Variants in PLA2R1 observed in about 807,000 individuals in gnomAD.
The protein encoded by PLA2R1 is phospholipase A2 receptor 1, also known as secretory phospholipase A2 receptor.
Under a neutral mutation model 195.9 loss-of-function variants are expected in PLA2R1, and 158 were observed. That is an observed-to-expected ratio of 0.81 (90% CI 0.71 to 0.92). PLA2R1 has a LOEUF of 0.92. Ranked by LOEUF, PLA2R1 falls within the 40% of genes least tolerant of loss-of-function variation. The probability of loss-of-function intolerance (pLI) is 0.00; values close to 1 mark genes in which losing one functional copy is unlikely to be tolerated. For missense variants in PLA2R1, 1,626 were observed against 1,764.6 expected (o/e 0.92, Z 1.41); for synonymous variants, 586 against 598.2 (o/e 0.98, Z 0.30).
At chr2:159,930,248 A>T (rs1176977859), downstream of PLA2R1, among the ~76,000 whole-genome samples, 1 of 152,168 alleles carries the variant, frequency 6.6e-6, no homozygotes, top group African/African-American at 2.4e-5. Context: ...CTCTACTAAA[A>T]ATACAAAAAA....
intron 1 of PLA2R1, among the ~76,000 whole-genome samples, chr2:160,056,707 G>A (rs1355421): frequency 0.15 from 22,308 of 152,076 alleles, 1,999 homozygotes; most frequent in East Asian, 0.36. Context: ...CGGTTTCTTT[G>A]CTGCCTTCCA....
chr2:160,037,230 G>A (rs1694219303), intron 3 of PLA2R1, among the ~76,000 whole-genome samples: 1 of 152,156 alleles, frequency 6.6e-6, no homozygotes, highest in Non-Finnish European at 1.5e-5. Flanking sequence ...GTATAATAGA[G>A]CCAGAGTAAT....
chr2:160,011,574 C>CA (rs1266158005), intron 10 of PLA2R1, among the ~76,000 whole-genome samples: 1 of 151,774 alleles, frequency 6.6e-6, no homozygotes, highest in Non-Finnish European at 1.5e-5. Context: ...GAACATTAAA[C>CA]AAAAAAATAA....
chr2:160,043,299 G>A (rs1310537928), intron 2 of PLA2R1, among the ~76,000 whole-genome samples: 2 of 152,110 alleles, frequency 1.3e-5, no homozygotes, highest in Non-Finnish European at 2.9e-5. Context: ...AGGGTGAAGC[G>A]AGACAGCTGG....
intron 1 of PLA2R1, among the ~76,000 whole-genome samples, chr2:160,048,695 C>T (rs1302257465): frequency 6.6e-6 from 1 of 152,154 alleles, no homozygotes; most frequent in Non-Finnish European, 1.5e-5. Context: ...ATGTCAAGGA[C>T]ATCAGTTCTG....
At position 159,969,332 on chromosome 2, in the gene PLA2R1, G is replaced by A; in HGVS notation, c.2688C>T (p.Tyr896=). ...TTTCTCTTCCTGTGTCCCAGTTCTG[G>A]TATATCACTGGTGTTCCATCTCTCC... ...FRWRDGTPVI[Y]QNWDTGRERT... is the part of the protein sequence containing the mutation. The change falls in exon 19 of 30, where the codon TAC becomes TAT. Residue 896 remains tyrosine (Y), a synonymous_variant. Coordinates refer to ENST00000283243, the MANE Select transcript of PLA2R1 (RefSeq NM_007366.5). 6.2e-7 allele frequency: 1 copy of A among 1,602,578 alleles called. No homozygotes were observed. The highest frequency in any genetic ancestry group is 1.1e-5 in the South Asian group (1 of 90,794).
chr2:159,938,475 G>A lies in PLA2R1; in HGVS notation c.*3303C>T, dbSNP rs1686932986. 6.6e-6 allele frequency: 1 copy of A among 152,248 alleles called. No individual in the cohort carries two copies. Among genetic ancestry groups the A allele is most frequent in the Non-Finnish European group, 1.5e-5 (1 of 68,058 alleles). 9.4% of individuals were successfully genotyped at this position (152,248 alleles called of 1,614,324 possible). ...AGCTAATGGGATCTCACCACTGCAG[G>A]GGTGAAGTGACTGCCTTGTAGCCAA... On this transcript the variant is annotated 3_prime_UTR_variant, in exon 30 of 30. Coordinates refer to ENST00000283243, the MANE Select transcript of PLA2R1 (RefSeq NM_007366.5).
At chr2:160,058,728 A>C (rs1269099873) in intron 1 of PLA2R1, among the ~76,000 whole-genome samples, 1 of 152,020 alleles carries the variant, frequency 6.6e-6, no homozygotes. Flanking sequence ...CTGATCAGGG[A>C]AAACAAACTA....
At chr2:159,962,108 T>G (rs575947070) in intron 20 of PLA2R1, among the ~76,000 whole-genome samples, 1 of 152,162 alleles carries the variant, frequency 6.6e-6, no homozygotes, top group South Asian at 2.1e-4. Flanking sequence ...ACCTACAGAA[T>G]GGGAGAAAAT....
intron 11 of PLA2R1, among the ~76,000 whole-genome samples, chr2:159,987,972 C>T (rs1178548850): frequency 6.6e-6 from 1 of 152,082 alleles, no homozygotes; most frequent in African/African-American, 2.4e-5. Flanking sequence ...GAGATTTTCC[C>T]TCCCACCTTC....
At chr2:159,996,878 GT>G (rs966618966) in intron 11 of PLA2R1, among the ~76,000 whole-genome samples, 6 of 151,668 alleles carry the variant, frequency 4.0e-5, no homozygotes, top group South Asian at 2.1e-4. Context: ...ATTTCTTTTT[GT>G]TTTTTTTCTT....
Position 159,955,383 on chromosome 2 carries a change from A to G in PLA2R1, c.3154-37T>C, listed in dbSNP as rs202033432. ...TACACGTTATCAAAAGTATGATAAC[A>G]TATAGCATTATTATAACATTAAAAT... is the stretch of plus-strand genomic sequence containing the variant. On this transcript the variant is annotated intron_variant, in intron 22 of 29. Transcript: ENST00000283243. 55 of 1,305,756 alleles carry G rather than the reference A, an allele frequency of 4.2e-5. No individual in the cohort carries two copies. The African/African-American group carries it at 7.3e-4, about 17-fold the overall frequency. 80.9% of individuals were successfully genotyped at this position (1,305,756 alleles called of 1,614,324 possible). A position where few individuals can be genotyped will look rare whatever the true frequency, so the allele number is the denominator to read the frequency against.
At chr2:160,046,462 C>T (rs889607305) in intron 1 of PLA2R1, among the ~76,000 whole-genome samples, 8 of 152,128 alleles carry the variant, frequency 5.3e-5, no homozygotes, top group Non-Finnish European at 7.4e-5. Context: ...CAGTGCAGGA[C>T]GGGCCTCCTC....
chr2:160,041,978 T>C (rs1694547000), intron 3 of PLA2R1, 47 bp downstream of exon 3: 1 of 1,448,948 alleles, frequency 6.9e-7, no homozygotes, highest in African/African-American at 1.4e-5. Context: ...TTTCTAATCA[T>C]CTTTGATTCA....
Position 160,028,302 on chromosome 2 carries a change from T to G in PLA2R1, c.1015A>C (p.Ser339Arg), listed in dbSNP as rs546072756. ...TCACAATCCCGACTCCTCCAGGCAC[T>G]TGGCATAAATGAACTAAATGTTCCA... ...HCGTFSSFMP[S>R]AWRSRDCEST... Residue 339 changes from serine to arginine, a missense_variant, in exon 6 of 30, where the codon AGT becomes CGT. Transcript: ENST00000283243. The G allele has an allele frequency of 6.2e-7, 1 of 1,607,572 alleles. No homozygotes were observed. The highest frequency in any genetic ancestry group is 2.2e-5 in the East Asian group (1 of 44,798).
chr2:159,950,297 A>T (rs905900229), intron 24 of PLA2R1, among the ~76,000 whole-genome samples: 1 of 152,208 alleles, frequency 6.6e-6, no homozygotes, highest in Non-Finnish European at 1.5e-5. Context: ...AAATTTTGAG[A>T]ATACCTGGTG....
chr2:159,973,062 T>C (rs13410053), intron 17 of PLA2R1, among the ~76,000 whole-genome samples: 2 of 152,198 alleles, frequency 1.3e-5, no homozygotes, highest in Non-Finnish European at 2.9e-5. Context: ...TACGTAATTT[T>C]AAAAATATTT....
At chr2:160,001,258 A>C (rs1691574392) in intron 11 of PLA2R1, among the ~76,000 whole-genome samples, 1 of 152,124 alleles carries the variant, frequency 6.6e-6, no homozygotes. Flanking sequence ...GATTTTGTTA[A>C]GAATGCATGT....
the PLA2R1 span, among the ~76,000 whole-genome samples, chr2:159,926,061 A>C: frequency 1.3e-5 from 2 of 152,222 alleles, no homozygotes; most frequent in African/African-American, 4.8e-5. Context: ...TATTTGATCA[A>C]ACGTAAAAAG....
Sources: allele counts gnomAD v4.1 joint callset (sites outside exome capture counted in the v4.1 genomes callset), GRCh38; gene constraint gnomAD v4.1.1; transcripts MANE v1.5; gene names NCBI Gene and HGNC (gene_info 2026-07-23, HGNC 2026-07-21).